The following MCF2L2 variants were observed in gnomAD, a reference collection of about 807,000 sequenced individuals.
MCF2L2 encodes the protein probable guanine nucleotide exchange factor MCF2L2.
In MCF2L2, 102 loss-of-function variants were observed where a neutral mutation model predicts 150.2. That is an observed-to-expected ratio of 0.68 (90% CI 0.58 to 0.80). The LOEUF (loss-of-function observed/expected upper bound fraction) is 0.80, where lower values mean the gene tolerates loss of function less well. Ranked by LOEUF, MCF2L2 falls within the 30% of genes least tolerant of loss-of-function variation. The pLI is 0.00. For synonymous variants in MCF2L2, 465 were observed against 491.3 expected (o/e 0.95, Z 0.71); for missense variants, 1,256 against 1,372.8 (o/e 0.91, Z 1.34).
chr3:183,315,905 G>A (rs147986706), intron 7 of MCF2L2, among the ~76,000 whole-genome samples: 142 of 152,230 alleles, frequency 9.3e-4, no homozygotes, highest in Admixed American at 2.5e-3. Flanking sequence ...CTTCCTGACT[G>A]ACCACATTGT....
At chr3:183,386,751 T>C (rs1263139892) in intron 2 of MCF2L2, among the ~76,000 whole-genome samples, 2 of 152,208 alleles carry the variant, frequency 1.3e-5, no homozygotes, top group African/African-American at 2.4e-5. Context: ...AGATTTCTGT[T>C]TTACAGCAAC....
intron 14 of MCF2L2, among the ~76,000 whole-genome samples, chr3:183,277,549 C>T (rs893349842): frequency 8.6e-5 from 13 of 151,812 alleles, no homozygotes; most frequent in Non-Finnish European, 1.5e-4. Flanking sequence ...GAAGTAAGCC[C>T]AGTGTAGGCT....
intron 15 of MCF2L2, 51 bp from the exon 16 acceptor site, chr3:183,231,068 G>C (rs1723536571): frequency 2.2e-6 from 3 of 1,338,448 alleles, no homozygotes; most frequent in Non-Finnish European, 3.2e-6. Flanking sequence ...ACAGGGAGAG[G>C]AGAATGTTCT....
Position 183,223,381 on chromosome 3 carries a change from T to A in MCF2L2, c.2266A>T (p.Ser756Cys), listed in dbSNP as rs1723214896. The A allele has an allele frequency of 1.2e-6, 2 of 1,614,232 alleles. No homozygotes were observed. Among genetic ancestry groups the A allele is most frequent in the East Asian group, 4.5e-5 (2 of 44,890 alleles). Residue 756 changes from serine (S) to cysteine (C), a missense_variant, in exon 20 of 30, where the codon AGC (serine) becomes TGC (cysteine). Coordinates refer to ENST00000328913, the MANE Select transcript of MCF2L2 (RefSeq NM_015078.4). The part of the protein sequence containing the change: ...LPLFKYLKGP[S>C]QRLIKYQMLL... ...ATCTGGTATTTTATAAGTCTCTGGC[T>A]TGGTCCTTTGAGATACTTAAAAAGA...
intron 15 of MCF2L2, among the ~76,000 whole-genome samples, chr3:183,265,081 T>G (rs1272710537): frequency 6.6e-6 from 1 of 152,224 alleles, no homozygotes; most frequent in Non-Finnish European, 1.5e-5. Flanking sequence ...CTTTTTCTAT[T>G]TCCTATTTTC....
At chr3:183,406,144 A>C (rs1179359943) in intron 1 of MCF2L2, among the ~76,000 whole-genome samples, 3 of 152,184 alleles carry the variant, frequency 2.0e-5, no homozygotes, top group Non-Finnish European at 2.9e-5. Flanking sequence ...ATGTATGTTT[A>C]ACTTTATAAG....
Position 183,422,267 on chromosome 3 carries a change from T to C in MCF2L2, c.76+5635A>G, listed in dbSNP as rs1399826505. ...TCTTACTCTCAAAATCTCCATTGTA[T>C]TCAAGAGTGCCTTTAGACTTGAGCT... On this transcript the variant is annotated intron_variant, in intron 1 of 29. Coordinates refer to ENST00000328913, the MANE Select transcript of MCF2L2 (RefSeq NM_015078.4). Among the ~76,000 whole-genome samples the C allele has an allele frequency of 2.6e-5, 4 of 152,196 alleles. No homozygotes were observed. The East Asian group carries it at 7.7e-4, about 29-fold the overall frequency.
At chr3:183,249,233 T>C (rs1724398977) in intron 15 of MCF2L2, among the ~76,000 whole-genome samples, 1 of 152,198 alleles carries the variant, frequency 6.6e-6, no homozygotes, top group Non-Finnish European at 1.5e-5. Context: ...CCCTGTATGC[T>C]TCCGGGAGTG....
intron 22 of MCF2L2, among the ~76,000 whole-genome samples, chr3:183,210,684 A>T: frequency 6.6e-6 from 1 of 152,200 alleles, no homozygotes; most frequent in East Asian, 1.9e-4. Flanking sequence ...CTCTCTAATG[A>T]CTTGTGAAGA....
intron 3 of MCF2L2, 163 bp downstream of exon 3, chr3:183,379,134 C>T (rs1713367459): frequency 7.4e-6 from 4 of 541,078 alleles, no homozygotes; most frequent in Middle Eastern, 4.7e-4. Context: ...TCCCTTTCCA[C>T]ATTCCTTGCT....
intron 6 of MCF2L2, among the ~76,000 whole-genome samples, chr3:183,320,635 G>A (rs897660816): frequency 3.3e-5 from 5 of 152,168 alleles, no homozygotes; most frequent in African/African-American, 4.8e-5. Context: ...GTTGTGGGTG[G>A]TTTGATCTTC....
Position 183,178,968 on chromosome 3 carries a change from GATT to G in MCF2L2, c.*409_*411del, listed in dbSNP as rs915702121. The G allele has an allele frequency of 1.2e-5, 2 of 161,904 alleles. No individual in the cohort carries two copies. Among genetic ancestry groups the G allele is most frequent in the African/African-American group, 4.8e-5 (2 of 41,920 alleles). The allele number at this position is 161,904 out of a possible 1,614,324, so 10.0% of individuals were successfully genotyped here. The stretch of plus-strand genomic sequence containing the variant: ...TGCGGGCGTGTCTGCAGGCATTTTT[GATT>G]GTCACGATTTGGGGGCGGGGTGGAG... On this transcript the variant is annotated 3_prime_UTR_variant, in exon 30 of 30. Transcript: ENST00000328913.
intron 25 of MCF2L2, among the ~76,000 whole-genome samples, chr3:183,205,166 G>A (rs1043284516): frequency 6.6e-5 from 10 of 152,162 alleles, no homozygotes; most frequent in African/African-American, 2.4e-4. Context: ...AGATCATAAG[G>A]TCAGGAGATC....
chr3:183,282,930 G>T (rs115511783), intron 14 of MCF2L2, among the ~76,000 whole-genome samples: 2,841 of 152,246 alleles, frequency 0.019, 56 homozygotes, highest in East Asian at 0.052. Context: ...GAGGGTATAG[G>T]TGCTCTTAAC....
At chr3:183,281,690 G>A (rs957441202) in intron 14 of MCF2L2, among the ~76,000 whole-genome samples, 1 of 152,054 alleles carries the variant, frequency 6.6e-6, no homozygotes. Context: ...CAGCTGCCTT[G>A]GGAGGGCGAT....
chr3:183,428,028 C>A lies in MCF2L2; in HGVS notation c.-51G>T. 1 of 1,392,526 alleles carries A rather than the reference C, an allele frequency of 7.2e-7. No individual in the cohort carries two copies. The highest frequency in any genetic ancestry group is 1.0e-6 in the Non-Finnish European group (1 of 978,888). The allele number at this position is 1,392,526 out of a possible 1,614,324, so 86.3% of individuals were successfully genotyped here. ...ATAAAGCCAAACAAAACTGTTTCTA[C>A]CGCTGCGGTGGATGATTTTTTAAAG... On this transcript the variant is annotated 5_prime_UTR_variant, in exon 1 of 30. Transcript: ENST00000328913. The surrounding 1 kb of genome is among the most constrained non-coding windows in gnomAD (Gnocchi z 5.1).
rs753609893 is a variant in MCF2L2 at position 183,179,363 on chromosome 3, G to C, written c.*17C>G. On this transcript the variant is annotated 3_prime_UTR_variant, in exon 30 of 30. Transcript: ENST00000328913. The surrounding 1 kb of genome is among the most constrained non-coding windows in gnomAD (Gnocchi z 4.2). The stretch of plus-strand genomic sequence containing the variant: ...CGGGCGCTCTGGAGCCGAGGAGCGG[G>C]GGCGTCCGCAGGGAGGTCAGCTCTC... 2 of 1,434,770 alleles carry C rather than the reference G, an allele frequency of 1.4e-6. No individual in the cohort carries two copies. The highest frequency in any genetic ancestry group is 1.8e-6 in the Non-Finnish European group (2 of 1,095,518). The allele number at this position is 1,434,770 out of a possible 1,614,324, so 88.9% of individuals were successfully genotyped here.
intron 1 of MCF2L2, among the ~76,000 whole-genome samples, chr3:183,417,451 T>C (rs1053176710): frequency 6.6e-6 from 1 of 151,750 alleles, no homozygotes; most frequent in East Asian, 1.9e-4. Flanking sequence ...TTTAACATAA[T>C]TGCTTTTCAA....
intron 1 of MCF2L2, among the ~76,000 whole-genome samples, chr3:183,403,765 C>A (rs543201202): frequency 3.6e-4 from 55 of 152,252 alleles, no homozygotes; most frequent in African/African-American, 1.3e-3. Context: ...GCTTAATAAG[C>A]ATTAGGTAAA....
Sources: allele counts gnomAD v4.1 joint callset (sites outside exome capture counted in the v4.1 genomes callset), GRCh38; gene constraint gnomAD v4.1.1; non-coding constraint Gnocchi (gnomAD v3.1); transcripts MANE v1.5; gene names NCBI Gene and HGNC (gene_info 2026-07-23, HGNC 2026-07-21).